Variants in FOXN2 observed in about 807,000 individuals in gnomAD.
The protein encoded by FOXN2 is forkhead box N2, also known as forkhead box protein N2.
In FOXN2, 19 loss-of-function variants were observed where a neutral mutation model predicts 41.2. That is an observed-to-expected ratio of 0.46 (90% CI 0.32 to 0.68). FOXN2 has a LOEUF of 0.68. FOXN2 is among the 30% of genes least tolerant of loss of function. The pLI, the probability that FOXN2 is intolerant of heterozygous loss-of-function variation, is 0.03. For missense variants in FOXN2, 587 were observed against 509.4 expected, an observed-to-expected ratio of 1.15 and a Z score of -1.47; for synonymous variants, 195 against 176.8, an observed-to-expected ratio of 1.10 and a Z score of -0.82.
At chr2:48,316,572 G>A (rs1668932747) in intron 1 of FOXN2, among the ~76,000 whole-genome samples, 2 of 152,116 alleles carry the variant, frequency 1.3e-5, no homozygotes, top group Non-Finnish European at 2.9e-5. Flanking sequence ...GCTTTGTAAA[G>A]CTTTTTTTGA....
chr2:48,355,150 A>G (rs926835038), intron 3 of FOXN2, among the ~76,000 whole-genome samples: 6 of 152,220 alleles, frequency 3.9e-5, no homozygotes, highest in African/African-American at 1.2e-4. Flanking sequence ...TTACAAAACC[A>G]TATGTCCAAT....
chr2:48,313,720 T>TTCCA (rs1198807155), upstream of FOXN2, among the ~76,000 whole-genome samples: 1 of 152,224 alleles, frequency 6.6e-6, no homozygotes, highest in Admixed American at 6.5e-5. Flanking sequence ...AAGTCTCAGT[T>TTCCA]TCCATATCTG....
intron 2 of FOXN2, among the ~76,000 whole-genome samples, chr2:48,329,682 C>G (rs1669908004): frequency 6.6e-6 from 1 of 152,162 alleles, no homozygotes; most frequent in Non-Finnish European, 1.5e-5. Flanking sequence ...AAATATACAT[C>G]TTTTTGCAGT....
At chr2:48,336,449 GTGTGTGTGTA>G (rs902420888) in intron 2 of FOXN2, among the ~76,000 whole-genome samples, 16 of 148,266 alleles carry the variant, frequency 1.1e-4, no homozygotes, top group African/African-American at 2.2e-4. Context: ...GTGTGTGTGT[GTGTGTGTGTA>G]TATATATTTA....
chr2:48,335,417 G>A (rs1670269981), intron 2 of FOXN2, among the ~76,000 whole-genome samples: 1 of 152,056 alleles, frequency 6.6e-6, no homozygotes, highest in African/African-American at 2.4e-5. Context: ...TATAAAAGAG[G>A]TTAATAAAGG....
chr2:48,320,547 C>T (rs1188514632), intron 1 of FOXN2, among the ~76,000 whole-genome samples: 27 of 152,126 alleles, frequency 1.8e-4, no homozygotes, highest in Admixed American at 1.8e-3. Context: ...ACCTCGGCCT[C>T]CCAAAGTGCT....
chr2:48,374,792 AT>A (rs1673127721), intron 6 of FOXN2, 127 bp from the exon 7 acceptor site: 6 of 798,406 alleles, frequency 7.5e-6, no homozygotes, highest in African/African-American at 5.2e-5. Flanking sequence ...GTAAAAAAAA[AT>A]AAAAAATCTA....
At chr2:48,323,177 A>G (rs1271346151) in intron 1 of FOXN2, among the ~76,000 whole-genome samples, 4 of 151,518 alleles carry the variant, frequency 2.6e-5, no homozygotes, top group Admixed American at 1.3e-4. Context: ...TTTTTTTTAT[A>G]ACTGATATAT....
intron 2 of FOXN2, among the ~76,000 whole-genome samples, chr2:48,338,915 T>G (rs1363469667): frequency 6.6e-6 from 1 of 152,054 alleles, no homozygotes; most frequent in African/African-American, 2.4e-5. Context: ...ATAAAGAGAT[T>G]GAAAAGACAA....
intron 2 of FOXN2, among the ~76,000 whole-genome samples, chr2:48,345,553 T>C (rs1396741751): frequency 6.6e-6 from 1 of 152,206 alleles, no homozygotes; most frequent in East Asian, 1.9e-4. Flanking sequence ...TAGCCTGATC[T>C]AATCATTTCA....
At chr2:48,344,100 C>A (rs1051028547) in intron 2 of FOXN2, among the ~76,000 whole-genome samples, 1 of 151,938 alleles carries the variant, frequency 6.6e-6, no homozygotes, top group Admixed American at 6.6e-5. Context: ...AATTCTCATT[C>A]GTCATGTTTT....
intron 2 of FOXN2, among the ~76,000 whole-genome samples, chr2:48,342,759 A>G (rs1423195587): frequency 6.6e-6 from 1 of 152,164 alleles, no homozygotes; most frequent in Non-Finnish European, 1.5e-5. Flanking sequence ...TTCTATAAGG[A>G]TAGTTTATAA....
At position 48,375,605 on chromosome 2, in the gene FOXN2, G is replaced by C; in HGVS notation, c.*162G>C. On this transcript the variant is annotated 3_prime_UTR_variant, in exon 7 of 7. Transcript: ENST00000340553. ...TTTTTAAAATTTTTATTAAACAATT[G>C]CTGTTAGGATCATGCCTGATCAGAA... The C allele has an allele frequency of 1.5e-6, 1 of 657,752 alleles. No individual in the cohort carries two copies. Among genetic ancestry groups the C allele is most frequent in the Non-Finnish European group, 2.5e-6 (1 of 395,276 alleles). The allele number at this position is 657,752 out of a possible 1,614,324, so 40.7% of individuals were successfully genotyped here.
intron 2 of FOXN2, among the ~76,000 whole-genome samples, chr2:48,335,037 A>G (rs1670244230): frequency 6.6e-6 from 1 of 152,208 alleles, no homozygotes; most frequent in Non-Finnish European, 1.5e-5. Flanking sequence ...TATAATCATC[A>G]TTATCAAAGA....
intron 2 of FOXN2, among the ~76,000 whole-genome samples, chr2:48,330,792 A>C (rs1486878055): frequency 6.6e-6 from 1 of 152,204 alleles, no homozygotes; most frequent in African/African-American, 2.4e-5. Context: ...CTATTCTTAC[A>C]TGCTTCAGGA....
intron 1 of FOXN2, among the ~76,000 whole-genome samples, chr2:48,325,072 G>A (rs1220619137): frequency 6.6e-6 from 1 of 152,198 alleles, no homozygotes; most frequent in Non-Finnish European, 1.5e-5. Flanking sequence ...ATTAGCTTGA[G>A]GATGTAGATA....
At chr2:48,351,190 G>A (rs1671424174) in intron 3 of FOXN2, among the ~76,000 whole-genome samples, 1 of 151,966 alleles carries the variant, frequency 6.6e-6, no homozygotes, top group African/African-American at 2.4e-5. Context: ...TCTAACTCCT[G>A]GGCTCAAGCG....
chr2:48,335,222 A>C (rs1482036430), intron 2 of FOXN2, among the ~76,000 whole-genome samples: 2 of 152,250 alleles, frequency 1.3e-5, no homozygotes, highest in East Asian at 1.9e-4. Flanking sequence ...GTTCAGTAAC[A>C]GGCTTAAAAA....
At position 48,364,951 on chromosome 2, in the gene FOXN2, A is replaced by G. The variant is rs560932475; in HGVS notation, c.703+2244A>G. On this transcript the variant is annotated intron_variant, in intron 5 of 6. Transcript: ENST00000340553. ...AGATATTTCTCCTGTAGGTTATTTA[A>G]TCTGAAGAACTTTAATTTTAAAAGA... is the stretch of plus-strand genomic sequence containing the variant. Among the ~76,000 whole-genome samples the G allele has an allele frequency of 2.0e-5, 3 of 152,350 alleles. No individual in the cohort carries two copies. The East Asian group carries it at 5.8e-4, about 29-fold the overall frequency.
Sources: allele counts gnomAD v4.1 joint callset (sites outside exome capture counted in the v4.1 genomes callset), GRCh38; gene constraint gnomAD v4.1.1; transcripts MANE v1.5; gene names NCBI Gene and HGNC (gene_info 2026-07-23, HGNC 2026-07-21).